CYSRT1: variants seen among roughly 807,000 people sequenced by gnomAD.
CYSRT1 encodes the protein cysteine rich tail 1, also known as cysteine-rich tail protein 1.
A neutral mutation model predicts 6.2 loss-of-function variants in CYSRT1; 7 were observed. The ratio of observed to expected loss-of-function variants is 1.13; its 90% CI spans 0.64 to 2.13. CYSRT1 has a LOEUF of 2.13. CYSRT1 is among the 30% of genes most tolerant of loss of function. CYSRT1 has a pLI of 0.00. For synonymous variants in CYSRT1, 75 were observed against 83.1 expected, an observed-to-expected ratio of 0.90 and a Z score of 0.53; for missense variants, 188 against 196.4, an observed-to-expected ratio of 0.96 and a Z score of 0.26.
rs1053211798 is a variant in CYSRT1, at chr9:137,226,126, C to T, written c.*70C>T. 21 of 1,503,082 alleles carry T rather than the reference C, an allele frequency of 1.4e-5. No homozygotes were observed. The highest frequency in any genetic ancestry group is 1.1e-4 in the South Asian group (9 of 78,658). 93.1% of individuals were successfully genotyped at this position (1,503,082 alleles called of 1,614,324 possible). On this transcript the variant is annotated 3_prime_UTR_variant, in exon 2 of 2. Transcript: ENST00000650725. ...TGGCTCACACAGTGCCGGGACATGC[C>T]GGGACATGCGGGGTGGCTGTTGTCA...
Position 137,226,004 on chromosome 9 carries a change from A to G in CYSRT1, c.383A>G (p.His128Arg), listed in dbSNP as rs1835966495. 1.3e-6 allele frequency: 2 copies of G among 1,549,124 alleles called. No individual in the cohort carries two copies. Among genetic ancestry groups the G allele is most frequent in the East Asian group, 2.4e-5 (1 of 40,914 alleles). ...TGCTGCCCCTGCTGCCACTGCTGCC[A>G]CTGCCCCCCCTTCTGCCGCTGCCAC... ...CCCCPCCHCCHCPPFCRCHSC... is the reference protein window; with the variant it reads ...CCCCPCCHCCRCPPFCRCHSC... The change falls in exon 2 of 2, where the codon CAC (histidine) becomes CGC (arginine). Residue 128 changes from histidine (H) to arginine (R), a missense_variant. Physicochemically the swap from His to Arg is conservative, Grantham distance 29. Transcript: ENST00000650725.
rs960038683 is a variant in CYSRT1 at position 137,226,050 on chromosome 9, C to T, written c.429C>T (p.Ile143=). The T allele has an allele frequency of 4.1e-5, 64 of 1,547,080 alleles. No individual in the cohort carries two copies. The highest frequency in any genetic ancestry group is 5.5e-5 in the Non-Finnish European group (63 of 1,145,548). ...CRCHSCCCCV[I]S ...GCCACAGCTGCTGCTGCTGTGTCAT[C>T]TCCTAGCCCAGCCCACCCTGCCAGG... The change falls in exon 2 of 2, where the codon ATC becomes ATT. Residue 143 remains isoleucine (I), a synonymous_variant. Transcript: ENST00000650725.
At chr9:137,225,508 G>T in intron 1 of CYSRT1, 106 bp from the exon 2 acceptor site, 1 of 1,452,978 alleles carries the variant, frequency 6.9e-7, no homozygotes, top group Non-Finnish European at 9.1e-7. Flanking sequence ...TGCTGAGCTT[G>T]GACGAGGCAC....
In CYSRT1 at chr9:137,225,908, G is replaced by A. The variant is rs532569400; in HGVS notation, c.287G>A (p.Arg96His). The A allele has an allele frequency of 1.8e-4, 277 of 1,545,706 alleles. No individual in the cohort carries two copies. The African/African-American group carries it at 2.8e-3, about 16-fold the overall frequency. ...QPGNPYSSSQ[R>H]QAGLTYAGPP... ...GGCAACCCCTACAGCAGCAGTCAGCGCCAGGCCGGACTGACCTACGCTGGC... is the reference window on the plus strand; with the variant it reads ...GGCAACCCCTACAGCAGCAGTCAGCACCAGGCCGGACTGACCTACGCTGGC... The change falls in exon 2 of 2, where the codon CGC becomes CAC. Residue 96 changes from arginine to histidine, a missense_variant. Transcript: ENST00000650725.
rs750331604 is a variant in CYSRT1, at chr9:137,225,986, C to CCTGCTGCCA, written c.379_387dup (p.Cys127_Cys129dup). ...ATCGCCCACCACTGCTGCTGCTGCC[C>CCTGCTGCCA]CTGCTGCCACTGCTGCCACTGCCCC... is the stretch of plus-strand genomic sequence containing the variant. On this transcript the variant is annotated inframe_insertion, in exon 2 of 2. Coordinates refer to ENST00000650725, the MANE Select transcript of CYSRT1 (RefSeq NM_199001.5). The CCTGCTGCCA allele has an allele frequency of 7.7e-6, 12 of 1,549,256 alleles. No homozygotes were observed. The highest frequency in any genetic ancestry group is 3.6e-5 in the South Asian group (3 of 84,024).
rs1835971137 is a variant in CYSRT1 at position 137,226,148 on chromosome 9, G to A, written c.*92G>A. 43 of 1,486,494 alleles carry A rather than the reference G, an allele frequency of 2.9e-5. 1 individual carries two copies. In the South Asian group the frequency reaches 5.5e-4, roughly 19 times the overall value. The allele number at this position is 1,486,494 out of a possible 1,614,324, so 92.1% of individuals were successfully genotyped here. A position where few individuals can be genotyped will look rare whatever the true frequency, so the allele number is the denominator to read the frequency against. Reference sequence around the variant, plus strand: ...TGCCGGGACATGCGGGGTGGCTGTTGTCATGGGCGTCTGCCCCTTCACACC... The same window carrying A: ...TGCCGGGACATGCGGGGTGGCTGTTATCATGGGCGTCTGCCCCTTCACACC... On this transcript the variant is annotated 3_prime_UTR_variant, in exon 2 of 2. Transcript: ENST00000650725.
At chr9:137,225,333 C>A in intron 1 of CYSRT1, 100 bp downstream of exon 1, 1 of 1,203,842 alleles carries the variant, frequency 8.3e-7, no homozygotes. Context: ...ATTCCCAGCT[C>A]CATCCCAGGA....
In CYSRT1 at chr9:137,226,152, T is replaced by G. The variant is rs1835971274; in HGVS notation, c.*96T>G. ...GGGACATGCGGGGTGGCTGTTGTCA[T>G]GGGCGTCTGCCCCTTCACACCAGGC... On this transcript the variant is annotated 3_prime_UTR_variant, in exon 2 of 2. Transcript: ENST00000650725. 1 of 1,485,336 alleles carries G rather than the reference T, an allele frequency of 6.7e-7. No homozygotes were observed. The allele number at this position is 1,485,336 out of a possible 1,614,324, so 92.0% of individuals were successfully genotyped here.
Position 137,226,296 on chromosome 9 carries a change from G to A in CYSRT1, c.*240G>A, listed in dbSNP as rs1352570485. 13 of 691,190 alleles carry A rather than the reference G, an allele frequency of 1.9e-5. No homozygotes were observed. The highest frequency in any genetic ancestry group is 1.8e-4 in the East Asian group (6 of 33,062). The allele number at this position is 691,190 out of a possible 1,614,324, so 42.8% of individuals were successfully genotyped here. A position where few individuals can be genotyped will look rare whatever the true frequency, so the allele number is the denominator to read the frequency against. On this transcript the variant is annotated 3_prime_UTR_variant, in exon 2 of 2. Transcript: ENST00000650725. ...CCTTAAGGCCCAGGCAATAAAGCAG[G>A]GTGATCTTCCTCCCAGCAATTCTTC...
Position 137,225,986 on chromosome 9 carries a change from C to A in CYSRT1, c.365C>A (p.Pro122His), listed in dbSNP as rs376612265. The change falls in exon 2 of 2, where the codon CCC becomes CAC. Residue 122 changes from proline to histidine, a missense_variant. Coordinates refer to ENST00000650725, the MANE Select transcript of CYSRT1 (RefSeq NM_199001.5). ...ATCGCCCACCACTGCTGCTGCTGCC[C>A]CTGCTGCCACTGCTGCCACTGCCCC... is the stretch of plus-strand genomic sequence containing the variant. ...DDIAHHCCCC[P>H]CCHCCHCPPF... 3.6e-5 allele frequency: 55 copies of A among 1,549,256 alleles called. 2 individuals are homozygous for A. The highest frequency in any genetic ancestry group is 2.2e-4 in the East Asian group (9 of 40,926).
chr9:137,226,218 G>A lies in CYSRT1; in HGVS notation c.*162G>A, dbSNP rs369188621. On this transcript the variant is annotated 3_prime_UTR_variant, in exon 2 of 2. Transcript: ENST00000650725. The stretch of plus-strand genomic sequence containing the variant: ...CACCAGGAAGGTGGCCGTTCAGCCC[G>A]AGCTCCTGAAACGGAATCCCAGGTC... The A allele has an allele frequency of 6.9e-5, 93 of 1,357,074 alleles. 1 individual carries two copies. Among genetic ancestry groups the A allele is most frequent in the South Asian group, 4.0e-4 (26 of 65,356 alleles). The allele number at this position is 1,357,074 out of a possible 1,614,324, so 84.1% of individuals were successfully genotyped here.
rs1835969756 is a variant in CYSRT1 at position 137,226,105 on chromosome 9, TCA to T, written c.*54_*55del. ...GGACCCAGACTTCAGCAAATGTGGC[TCA>T]CACAGTGCCGGGACATGCCGGGACA... On this transcript the variant is annotated 3_prime_UTR_variant, in exon 2 of 2. Transcript: ENST00000650725. The T allele has an allele frequency of 1.4e-5, 22 of 1,529,964 alleles. No homozygotes were observed. The highest frequency in any genetic ancestry group is 1.5e-5 in the Non-Finnish European group (17 of 1,133,202). 94.8% of individuals were successfully genotyped at this position (1,529,964 alleles called of 1,614,324 possible).
chr9:137,225,814 G>C lies in CYSRT1; in HGVS notation c.193G>C (p.Gly65Arg), dbSNP rs1452035053. The change falls in exon 2 of 2, where the codon GGG (glycine) becomes CGG (arginine). Residue 65 changes from glycine (G) to arginine (R), a missense_variant. Physicochemically the swap from Gly to Arg is moderately radical, Grantham distance 125 (BLOSUM62 -2). Transcript: ENST00000650725. Reference protein sequence around the residue: ...THLLQPTEVPGPKGAKGNQGA... With the variant: ...THLLQPTEVPRPKGAKGNQGA... ...CCTCTTGCAGCCGACCGAGGTCCCA[G>C]GGCCCAAGGGCGCCAAGGGTAACCA... 1.3e-6 allele frequency: 2 copies of C among 1,549,060 alleles called. No individual in the cohort carries two copies. The highest frequency in any genetic ancestry group is 1.7e-6 in the Non-Finnish European group (2 of 1,146,862).
chr9:137,225,671 T>A lies in CYSRT1; in HGVS notation c.50T>A (p.Ile17Asn). 1 of 1,550,354 alleles carries A rather than the reference T, an allele frequency of 6.5e-7. No homozygotes were observed. The highest frequency in any genetic ancestry group is 8.7e-7 in the Non-Finnish European group (1 of 1,146,944). ...VVKNPYAHIS[I>N]PRAHLRPDLG... ...AAGAACCCATATGCCCACATCAGCA[T>A]CCCCCGGGCTCACCTGCGGCCTGAC... Residue 17 changes from isoleucine (I) to asparagine (N), a missense_variant, in exon 2 of 2, where the codon ATC (isoleucine) becomes AAC (asparagine). Physicochemically the swap from Ile to Asn is moderately radical, Grantham distance 149. Coordinates refer to ENST00000650725, the MANE Select transcript of CYSRT1 (RefSeq NM_199001.5).
chr9:137,225,321 C>A, intron 1 of CYSRT1, 88 bp downstream of exon 1: 2 of 1,240,072 alleles, frequency 1.6e-6, no homozygotes, highest in African/African-American at 1.5e-5. Flanking sequence ...CTCCCCGACC[C>A]CATTCCCAGC....
intron 1 of CYSRT1, 85 bp downstream of exon 1, chr9:137,225,318 AC>A: frequency 1.6e-6 from 2 of 1,253,586 alleles, no homozygotes; most frequent in Non-Finnish European, 2.3e-6. Context: ...AGCCTCCCCG[AC>A]CCCATTCCCA....
chr9:137,225,885 C>G lies in CYSRT1; in HGVS notation c.264C>G (p.Gly88=), dbSNP rs567013326. 6.5e-7 allele frequency: 1 copy of G among 1,545,562 alleles called. No homozygotes were observed. Among genetic ancestry groups the G allele is most frequent in the African/African-American group, 1.4e-5 (1 of 73,174 alleles). ...ACCAGCAGGCCTGGCAGCAGCCTGG[C>G]AACCCCTACAGCAGCAGTCAGCGCC... ...IQNQQAWQQP[G]NPYSSSQRQA... Residue 88 remains glycine (G), a synonymous_variant, in exon 2 of 2, where the codon GGC becomes GGG. Transcript: ENST00000650725.
chr9:137,225,761 T>C lies in CYSRT1; in HGVS notation c.140T>C (p.Val47Ala), dbSNP rs1361978698. The C allele has an allele frequency of 3.9e-6, 6 of 1,549,950 alleles. No homozygotes were observed. The African/African-American group carries it at 5.5e-5, about 14-fold the overall frequency. Residue 47 changes from valine (V) to alanine (A), a missense_variant, in exon 2 of 2, where the codon GTG (valine) becomes GCG (alanine). Transcript: ENST00000650725. ...TCCTCGGAGATGCAGCCCCTGCCAG[T>C]GGGGCCCTGTGCCCCAGAGCCAACC... is the stretch of plus-strand genomic sequence containing the variant. The part of the protein sequence containing the change: ...SSSSEMQPLP[V>A]GPCAPEPTHL...
rs1835970121 is a variant in CYSRT1, at chr9:137,226,116, C to T, written c.*60C>T. On this transcript the variant is annotated 3_prime_UTR_variant, in exon 2 of 2. Transcript: ENST00000650725. ...TCAGCAAATGTGGCTCACACAGTGCCGGGACATGCCGGGACATGCGGGGTG... is the reference window on the plus strand; with the variant it reads ...TCAGCAAATGTGGCTCACACAGTGCTGGGACATGCCGGGACATGCGGGGTG... 5.3e-6 allele frequency: 8 copies of T among 1,505,936 alleles called. No individual in the cohort carries two copies. The highest frequency in any genetic ancestry group is 5.0e-5 in the East Asian group (2 of 40,108). 93.3% of individuals were successfully genotyped at this position (1,505,936 alleles called of 1,614,324 possible). A position where few individuals can be genotyped will look rare whatever the true frequency, so the allele number is the denominator to read the frequency against.
Sources: gnomAD v4.1 joint callset for allele counts on GRCh38, gnomAD v4.1.1 for gene constraint, MANE v1.5 for transcripts, NCBI Gene and HGNC (gene_info 2026-07-23, HGNC 2026-07-21) for gene names.